Variants in ACO2 observed in about 807,000 individuals in gnomAD.
ACO2 encodes aconitate hydratase, mitochondrial.
In ACO2, 31 loss-of-function variants were observed where a neutral mutation model predicts 84.5. The observed-to-expected ratio is 0.37, with a 90% CI of 0.28 to 0.50. The LOEUF (loss-of-function observed/expected upper bound fraction) is 0.50, where lower values mean the gene tolerates loss of function less well. Ranked by LOEUF, ACO2 falls within the 20% of genes least tolerant of loss-of-function variation. The probability of loss-of-function intolerance (pLI) is 0.97; values close to 1 mark genes in which losing one functional copy is unlikely to be tolerated. For missense variants in ACO2, 685 were observed against 1,029.3 expected, an observed-to-expected ratio of 0.67 and a Z score of 4.58; for synonymous variants, 414 against 412.7, an observed-to-expected ratio of 1.00 and a Z score of -0.04.
At chr22:41,522,393 A>G (rs1158109446) in intron 9 of ACO2, among the ~76,000 whole-genome samples, 2 of 152,242 alleles carry the variant, frequency 1.3e-5, no homozygotes, top group African/African-American at 4.8e-5. Flanking sequence ...TTCAGGTTTT[A>G]TAGACTTTTT....
At chr22:41,497,866 G>C (rs2066326222) in intron 1 of ACO2, among the ~76,000 whole-genome samples, 1 of 151,140 alleles carries the variant, frequency 6.6e-6, no homozygotes, top group African/African-American at 2.4e-5. Context: ...CTGGGCAACA[G>C]AGCAAGACTC....
intron 17 of ACO2, 69 bp from the exon 18 acceptor site, chr22:41,528,410 T>A: frequency 1.3e-6 from 2 of 1,576,938 alleles, no homozygotes; most frequent in African/African-American, 1.3e-5. Context: ...CCTGTCTCCC[T>A]GACCCCCCTG....
At position 41,527,979 on chromosome 22, in the gene ACO2, A is replaced by G. The variant is rs759272875; in HGVS notation, c.2165A>G (p.Asp722Gly). Residue 722 changes from aspartate to glycine, a missense_variant, in exon 17 of 18, where the codon GAC (aspartate) becomes GGC (glycine). Coordinates refer to ENST00000216254, the MANE Select transcript of ACO2 (RefSeq NM_001098.3). ...GACTACAACAAGATTCACCCTGTGGACAAGCTGACCATTCAGGGCCTGAAG... is the reference window on the plus strand; with the variant it reads ...GACTACAACAAGATTCACCCTGTGGGCAAGCTGACCATTCAGGGCCTGAAG... The part of the protein sequence containing the change: ...PADYNKIHPV[D>G]KLTIQGLKDF... The G allele has an allele frequency of 1.9e-6, 3 of 1,614,146 alleles. No homozygotes were observed. Among genetic ancestry groups the G allele is most frequent in the Non-Finnish European group, 2.5e-6 (3 of 1,180,014 alleles).
intron 8 of ACO2, 71 bp downstream of exon 8, chr22:41,518,643 TACTC>T: frequency 8.1e-7 from 1 of 1,228,326 alleles, no homozygotes; most frequent in Non-Finnish European, 1.2e-6. Flanking sequence ...CCTGCCTAAA[TACTC>T]ACTGAGGGCC....
At position 41,524,923 on chromosome 22, in the gene ACO2, G is replaced by A; in HGVS notation, c.1560G>A (p.Lys520=). The A allele has an allele frequency of 1.2e-6, 2 of 1,614,196 alleles. No individual in the cohort carries two copies. Among genetic ancestry groups the A allele is most frequent in the Non-Finnish European group, 8.5e-7 (1 of 1,180,024 alleles). ...ETDYLTGTDG[K]KFRLEAPDAD... is the part of the protein sequence containing the mutation. ...ACTACCTGACGGGCACGGATGGCAAGAAGTTCAGGCTGGAGGCTCCGGATG... is the reference window on the plus strand; with the variant it reads ...ACTACCTGACGGGCACGGATGGCAAAAAGTTCAGGCTGGAGGCTCCGGATG... The change falls in exon 13 of 18, where the codon AAG becomes AAA. Residue 520 remains lysine (K), a synonymous_variant. Transcript: ENST00000216254.
At chr22:41,526,896 C>T (rs1344865628) in intron 15 of ACO2, 1 of 330,880 alleles carries the variant, frequency 3.0e-6, no homozygotes, top group African/African-American at 2.1e-5. Context: ...ACTCTGGCAC[C>T]CCCTGGTGGC....
intron 6 of ACO2, among the ~76,000 whole-genome samples, chr22:41,516,425 CT>C (rs2066476622): frequency 6.6e-6 from 1 of 152,238 alleles, no homozygotes; most frequent in African/African-American, 2.4e-5. Flanking sequence ...CTGCCTGTCA[CT>C]CCTGGTGACC....
intron 1 of ACO2, among the ~76,000 whole-genome samples, chr22:41,498,788 C>T (rs2066333319): frequency 6.6e-6 from 1 of 152,116 alleles, no homozygotes; most frequent in Non-Finnish European, 1.5e-5. Context: ...AGTAAGTCCG[C>T]CACACATTCA....
chr22:41,528,426 C>A (rs200688893), intron 17 of ACO2, 53 bp from the exon 18 acceptor site: 1 of 1,595,184 alleles, frequency 6.3e-7, no homozygotes, highest in South Asian at 1.1e-5. Context: ...CCCTGCGGGG[C>A]CAAGGGCACA....
intron 11 of ACO2, among the ~76,000 whole-genome samples, 200 bp downstream of exon 11, chr22:41,523,478 G>C (rs574327442): frequency 2.0e-5 from 3 of 152,334 alleles, no homozygotes; most frequent in South Asian, 4.1e-4. Flanking sequence ...AGAGGCACTG[G>C]GGGGCAACTT....
At chr22:41,493,794 C>T (rs1409972631) in intron 1 of ACO2, among the ~76,000 whole-genome samples, 1 of 152,124 alleles carries the variant, frequency 6.6e-6, no homozygotes, top group Non-Finnish European at 1.5e-5. Flanking sequence ...CGCGGTGGCT[C>T]ACACCTGTAA....
At chr22:41,494,674 G>A (rs2066299764) in intron 1 of ACO2, among the ~76,000 whole-genome samples, 1 of 151,902 alleles carries the variant, frequency 6.6e-6, no homozygotes, top group East Asian at 1.9e-4. Flanking sequence ...GCCTCCCAAA[G>A]TACTGGGATT....
intron 2 of ACO2, among the ~76,000 whole-genome samples, chr22:41,504,207 G>A (rs2066375057): frequency 6.6e-6 from 1 of 152,232 alleles, no homozygotes; most frequent in Non-Finnish European, 1.5e-5. Flanking sequence ...TGTCTCTGGT[G>A]ACAGAGGAAG....
chr22:41,520,251 A>G lies in ACO2; in HGVS notation c.1113A>G (p.Glu371=), dbSNP rs372273291. The change falls in exon 9 of 18, where the codon GAA becomes GAG. Residue 371 remains glutamate (E), a synonymous_variant. Transcript: ENST00000216254. Reference sequence around the variant, plus strand: ...AAGTGGGCAAGGTGGCAGAGAAGGAAGGATGGCCTCTGGACATCCGAGTGG... The same window carrying G: ...AAGTGGGCAAGGTGGCAGAGAAGGAGGGATGGCCTCTGGACATCCGAGTGG... ...VAEVGKVAEK[E]GWPLDIRVGL... 7.4e-5 allele frequency: 119 copies of G among 1,613,906 alleles called. No homozygotes were observed. Among genetic ancestry groups the G allele is most frequent in the Non-Finnish European group, 9.7e-5 (114 of 1,179,932 alleles).
chr22:41,485,495 C>T (rs2038142052), intron 1 of ACO2, among the ~76,000 whole-genome samples: 1 of 138,648 alleles, frequency 7.2e-6, no homozygotes, highest in South Asian at 2.3e-4. Context: ...GTCTGGAGTG[C>T]AGTGGCACGA....
chr22:41,525,422 A>G, intron 14 of ACO2, 74 bp downstream of exon 14: 1 of 1,570,508 alleles, frequency 6.4e-7, no homozygotes, highest in Non-Finnish European at 8.7e-7. Context: ...GGGAAGGGCC[A>G]TGAACCTGGA....
At chr22:41,523,129 C>A in intron 10 of ACO2, 76 bp from the exon 11 acceptor site, 1 of 1,538,076 alleles carries the variant, frequency 6.5e-7, no homozygotes, top group Non-Finnish European at 8.9e-7. Flanking sequence ...GCACTTCGTC[C>A]TGCAGCCACC....
At chr22:41,504,893 T>C (rs979494571) in intron 2 of ACO2, among the ~76,000 whole-genome samples, 1 of 151,738 alleles carries the variant, frequency 6.6e-6, no homozygotes, top group Non-Finnish European at 1.5e-5. Context: ...CTGGCTTCTT[T>C]TTATGTTTTT....
In ACO2 at chr22:41,509,688, TTC is replaced by T. The variant is rs557343009; in HGVS notation, c.432+1643_432+1644del. Among the ~76,000 whole-genome samples the T allele has an allele frequency of 2.2e-4, 33 of 151,948 alleles. No individual in the cohort carries two copies. In the East Asian group the frequency reaches 5.4e-3, roughly 25 times the overall value. On this transcript the variant is annotated intron_variant, in intron 3 of 17. Transcript: ENST00000216254. ...TGAGAGGGGGCCTGTACTGCTGGAG[TTC>T]TCTGTGTTTGGAAGAGCGGGTGGTA...
Sources: allele counts gnomAD v4.1 joint callset (sites outside exome capture counted in the v4.1 genomes callset), GRCh38; gene constraint gnomAD v4.1.1; transcripts MANE v1.5; gene names NCBI Gene and HGNC (gene_info 2026-07-23, HGNC 2026-07-21).